Variants in CSF2RA observed in about 807,000 individuals in gnomAD.
CSF2RA encodes granulocyte-macrophage colony-stimulating factor receptor subunit alpha.
Under a neutral mutation model 51.6 loss-of-function variants are expected in CSF2RA, and 42 were observed. That is an observed-to-expected ratio of 0.81 (90% CI 0.64 to 1.05). The LOEUF (loss-of-function observed/expected upper bound fraction) is 1.05. Among genes scored for constraint, CSF2RA ranks in the 50% least tolerant of loss-of-function variants. The pLI is 0.00. For synonymous variants in CSF2RA, 222 were observed against 193.0 expected, an observed-to-expected ratio of 1.15 and a Z score of -1.24; for missense variants, 530 against 501.1, an observed-to-expected ratio of 1.06 and a Z score of -0.55.
At chrX:1,320,916 T>G in the CSF2RA span, among the ~76,000 whole-genome samples, 2 of 151,568 alleles carry the variant, frequency 1.3e-5, 1 homozygote, top group Admixed American at 1.3e-4. Flanking sequence ...CTCAGCTCAC[T>G]GCAACCTCCA....
chrX:1,324,079 G>A, the CSF2RA span, among the ~76,000 whole-genome samples: 1 of 152,030 alleles, frequency 6.6e-6, no homozygotes, highest in Admixed American at 6.6e-5. Flanking sequence ...TAGCTACTGG[G>A]GAGGCTGAGG....
At chrX:1,290,655 G>A (rs1457830941) in intron 7 of CSF2RA, 146 bp downstream of exon 7, 4 of 837,450 alleles carry the variant, frequency 4.8e-6, no homozygotes, top group East Asian at 2.4e-5. Context: ...ACCTGAGATC[G>A]GGTGTTCAAA....
At chrX:1,296,177 C>T (rs1277704671) in intron 9 of CSF2RA, among the ~76,000 whole-genome samples, 1 of 150,938 alleles carries the variant, frequency 6.6e-6, no homozygotes, top group Non-Finnish European at 1.5e-5. Flanking sequence ...CTAGTCACTA[C>T]ACCTAGTGTA....
chrX:1,292,434 C>T (rs1169034870), intron 7 of CSF2RA, among the ~76,000 whole-genome samples: 5 of 152,116 alleles, frequency 3.3e-5, no homozygotes, highest in African/African-American at 4.8e-5. Context: ...GGACCTGCAC[C>T]GGTCTCTGAG....
intron 4 of CSF2RA, among the ~76,000 whole-genome samples, chrX:1,286,379 A>G (rs1471915764): frequency 2.6e-5 from 4 of 151,984 alleles, no homozygotes; most frequent in Non-Finnish European, 4.4e-5. Context: ...GACCAGGCTG[A>G]CCAACATGGT....
chrX:1,319,906 T>TTTG, the CSF2RA span, among the ~76,000 whole-genome samples: 1 of 139,064 alleles, frequency 7.2e-6, no homozygotes, highest in African/African-American at 3.0e-5. Flanking sequence ...TGTTTGTTTG[T>TTTG]TTGTTTTGAG....
rs767927197 is a variant in CSF2RA, at chrX:1,288,530, C to T, written c.231C>T (p.Asn77=). The change falls in exon 5 of 13, where the codon AAC becomes AAT. Residue 77 remains asparagine, a synonymous_variant. Coordinates refer to ENST00000381529, the MANE Select transcript of CSF2RA (RefSeq NM_172245.4). ...TTGCAATTCTTCAGCTCAGTAACAA[C>T]GAATGTTCGTGCACATTTCGTGAAA... ...NRVVEPRLSN[N]ECSCTFREIC... 12 of 1,613,880 alleles carry T rather than the reference C, an allele frequency of 7.4e-6. No homozygotes were observed. The highest frequency in any genetic ancestry group is 6.7e-5 in the Admixed American group (4 of 59,996).
chrX:1,316,986 G>A, the CSF2RA span, among the ~76,000 whole-genome samples: 17 of 152,018 alleles, frequency 1.1e-4, no homozygotes, highest in East Asian at 1.9e-4. Context: ...TCACTCTGTC[G>A]CCCAGGCTGG....
At chrX:1,314,517 C>T (rs1295287114), downstream of CSF2RA, among the ~76,000 whole-genome samples, 7 of 111,728 alleles carry the variant, frequency 6.3e-5, no homozygotes, top group East Asian at 3.3e-4. Context: ...CCGCACTGCA[C>T]CTGCCCAATC....
At chrX:1,270,451 C>A (rs2088226894) in intron 1 of CSF2RA, among the ~76,000 whole-genome samples, 1 of 151,972 alleles carries the variant, frequency 6.6e-6, no homozygotes, top group South Asian at 2.1e-4. Context: ...GTTTCCCGGG[C>A]TGGTCTTGAA....
the CSF2RA span, among the ~76,000 whole-genome samples, chrX:1,316,182 T>A: frequency 6.7e-6 from 1 of 149,676 alleles, no homozygotes; most frequent in South Asian, 2.1e-4. Context: ...GACAGATGGA[T>A]AGATAGACAC....
At chrX:1,304,228 G>C (rs1232086681) in intron 11 of CSF2RA, among the ~76,000 whole-genome samples, 3 of 78,888 alleles carry the variant, frequency 3.8e-5, no homozygotes, top group African/African-American at 1.3e-4. Context: ...CTAACACAGT[G>C]AAACCCCGTC....
chrX:1,288,487 C>T (rs2091024134), intron 4 of CSF2RA, 32 bp from the exon 5 acceptor site: 1 of 1,613,790 alleles, frequency 6.2e-7, no homozygotes, highest in Admixed American at 1.7e-5. Context: ...AGGTTGTTTC[C>T]TAATCGGCTC....
intron 1 of CSF2RA, among the ~76,000 whole-genome samples, chrX:1,269,385 C>G (rs181003764): frequency 6.6e-6 from 1 of 151,952 alleles, no homozygotes; most frequent in Non-Finnish European, 1.5e-5. Flanking sequence ...CTTTGGGAGA[C>G]TGAGGCGGGT....
chrX:1,303,481 G>A, intron 10 of CSF2RA: 3 of 452,536 alleles, frequency 6.6e-6, no homozygotes, highest in South Asian at 7.5e-5. Context: ...CTCAGATGAT[G>A]CGCCCGCCTC....
At chrX:1,286,763 C>A (rs746678172) in intron 4 of CSF2RA, among the ~76,000 whole-genome samples, 1 of 152,158 alleles carries the variant, frequency 6.6e-6, no homozygotes, top group African/African-American at 2.4e-5. Context: ...CCGTATTTTA[C>A]CCCAAGAGAA....
In CSF2RA at chrX:1,272,851, CTT is replaced by C. The variant is rs2088634948; in HGVS notation, c.-90-1902_-90-1901del. Among the ~76,000 whole-genome samples the C allele has an allele frequency of 9.4e-5, 13 of 138,136 alleles. 1 individual carries two copies. In the Middle Eastern group the frequency reaches 0.021, roughly 225 times the overall value. 90.6% of individuals were successfully genotyped at this position (138,136 alleles called of 152,430 possible). ...TTTTTTTTTTTTAGATGGAGTCTAA[CTT>C]TGTCGCCCAGACTGGAGTACAGTGG... On this transcript the variant is annotated intron_variant, in intron 1 of 12. Transcript: ENST00000381529.
At chrX:1,286,569 C>G (rs1330475541) in intron 4 of CSF2RA, among the ~76,000 whole-genome samples, 3 of 61,910 alleles carry the variant, frequency 4.8e-5, no homozygotes, top group African/African-American at 3.2e-4. Flanking sequence ...AACTCTGTCT[C>G]CAAAAAAAAA....
In CSF2RA at chrX:1,294,235, G is replaced by A. The variant is rs1165941908; in HGVS notation, c.647-93G>A. On this transcript the variant is annotated intron_variant, in intron 7 of 12. Coordinates refer to ENST00000381529, the MANE Select transcript of CSF2RA (RefSeq NM_172245.4). ...TACTCCACCTCCACCTGGACCCAGT[G>A]TAGACAGGAGGAGACTCTGCACCAC... is the stretch of plus-strand genomic sequence containing the variant. 3.3e-6 allele frequency: 5 copies of A among 1,512,300 alleles called. No individual in the cohort carries two copies. The East Asian group carries it at 9.0e-5, about 27-fold the overall frequency. 93.7% of individuals were successfully genotyped at this position (1,512,300 alleles called of 1,614,324 possible). A position where few individuals can be genotyped will look rare whatever the true frequency, so the allele number is the denominator to read the frequency against.
Sources: gnomAD v4.1 joint callset for allele counts (sites outside exome capture counted in the v4.1 genomes callset) on GRCh38, gnomAD v4.1.1 for gene constraint, MANE v1.5 for transcripts, NCBI Gene and HGNC (gene_info 2026-07-23, HGNC 2026-07-21) for gene names.